MDGA2: variants seen among roughly 807,000 people sequenced by gnomAD.
The protein encoded by MDGA2 is MAM domain-containing glycosylphosphatidylinositol anchor protein 2.
MDGA2 carries 40 observed loss-of-function variants against 117.8 expected under a neutral mutation model. That is an observed-to-expected ratio of 0.34 (90% CI 0.26 to 0.44). The LOEUF (loss-of-function observed/expected upper bound fraction) is 0.44, where lower values mean the gene tolerates loss of function less well. Among genes scored for constraint, MDGA2 ranks in the 20% least tolerant of loss-of-function variants. MDGA2 has a pLI of 1.00. For synonymous variants in MDGA2, 452 were observed against 439.0 expected (o/e 1.03, Z -0.37); for missense variants, 1,123 against 1,250.6 (o/e 0.90, Z 1.54).
chr14:47,409,847 G>C (rs1892334780), intron 1 of MDGA2, among the ~76,000 whole-genome samples: 1 of 152,018 alleles, frequency 6.6e-6, no homozygotes, highest in African/African-American at 2.4e-5. Context: ...TTGTGGGTTG[G>C]AGCATTCTAA....
At chr14:47,258,821 T>C (rs1213011118) in intron 2 of MDGA2, among the ~76,000 whole-genome samples, 1 of 152,018 alleles carries the variant, frequency 6.6e-6, no homozygotes, top group African/African-American at 2.4e-5. Flanking sequence ...TATTTTTTTT[T>C]CATTTTTCTA....
chr14:47,369,167 C>G (rs1566757492), intron 1 of MDGA2, among the ~76,000 whole-genome samples: 1 of 151,956 alleles, frequency 6.6e-6, no homozygotes, highest in Non-Finnish European at 1.5e-5. Flanking sequence ...TACAGCTTTT[C>G]CCCCTTAGTG....
chr14:47,172,939 C>G (rs182854418), intron 3 of MDGA2, among the ~76,000 whole-genome samples: 3 of 152,092 alleles, frequency 2.0e-5, no homozygotes, highest in Admixed American at 6.5e-5. Flanking sequence ...ATAACCAATA[C>G]AGAGAAGTGC....
intron 1 of MDGA2, among the ~76,000 whole-genome samples, chr14:47,656,546 A>T (rs1486200789): frequency 1.3e-5 from 2 of 152,310 alleles, no homozygotes; most frequent in African/African-American, 4.8e-5. Context: ...AAATAAACAT[A>T]GTCTTATTGG....
intron 2 of MDGA2, among the ~76,000 whole-genome samples, chr14:47,260,563 ACAT>A (rs1253816856): frequency 6.6e-6 from 1 of 152,124 alleles, no homozygotes; most frequent in African/African-American, 2.4e-5. Flanking sequence ...AGGTTTAGAA[ACAT>A]CATAGAAAAA....
chr14:47,456,346 G>C (rs1327456913), intron 1 of MDGA2, among the ~76,000 whole-genome samples: 3 of 149,714 alleles, frequency 2.0e-5, no homozygotes, highest in African/African-American at 7.4e-5. Context: ...ATGCAGGAGT[G>C]CAATGGTGCC....
chr14:47,218,078 T>C lies in MDGA2; in HGVS notation c.538A>G (p.Lys180Glu), dbSNP rs1374922759. 1.9e-6 allele frequency: 3 copies of C among 1,551,426 alleles called. No individual in the cohort carries two copies. The highest frequency in any genetic ancestry group is 2.6e-6 in the Non-Finnish European group (3 of 1,146,744). Residue 180 changes from lysine (K) to glutamate (E), a missense_variant, in exon 3 of 17, where the codon AAA (lysine) becomes GAA (glutamate). Around this residue, in one of 2 missense-constraint regions of MDGA2, gnomAD observed 890 missense variants for 1,050.3 expected, o/e 0.85. Transcript: ENST00000399232. The part of the protein sequence containing the change: ...QRHQGGRYYC[K>E]AENGLGSPAI... Reference sequence around the variant, plus strand: ...GGAGACCCCAAGCCATTCTCTGCTTTACAGTAATACCGGCCTCCTTGGTGT... The same window carrying C: ...GGAGACCCCAAGCCATTCTCTGCTTCACAGTAATACCGGCCTCCTTGGTGT...
chr14:47,651,195 C>G (rs1317524698), intron 1 of MDGA2, among the ~76,000 whole-genome samples: 1 of 141,788 alleles, frequency 7.1e-6, no homozygotes, highest in Non-Finnish European at 1.5e-5. Context: ...AAGGGAGATT[C>G]TGTGTGTGTG....
chr14:47,173,389 C>A (rs1225119462), intron 3 of MDGA2, among the ~76,000 whole-genome samples: 1 of 152,126 alleles, frequency 6.6e-6, no homozygotes, highest in African/African-American at 2.4e-5. Context: ...ATATTAAGGG[C>A]AGCCAGAGAG....
At chr14:47,249,087 G>A (rs755392136) in intron 2 of MDGA2, among the ~76,000 whole-genome samples, 1 of 150,404 alleles carries the variant, frequency 6.6e-6, no homozygotes, top group Admixed American at 6.6e-5. Context: ...GTGCGATCTC[G>A]GCTCACTGCA....
At chr14:47,242,554 C>A (rs994936706) in intron 2 of MDGA2, among the ~76,000 whole-genome samples, 4 of 151,978 alleles carry the variant, frequency 2.6e-5, no homozygotes, top group South Asian at 4.2e-4. Context: ...GCCAGTCCTG[C>A]TGGCCCCGGG....
chr14:47,579,235 T>C (rs1345018121), intron 1 of MDGA2, among the ~76,000 whole-genome samples: 1 of 152,088 alleles, frequency 6.6e-6, no homozygotes, highest in Non-Finnish European at 1.5e-5. Flanking sequence ...CATGATAATG[T>C]CCTTCCAGTT....
intron 3 of MDGA2, among the ~76,000 whole-genome samples, chr14:47,163,239 T>C (rs1883715792): frequency 6.6e-6 from 1 of 152,136 alleles, no homozygotes; most frequent in Non-Finnish European, 1.5e-5. Flanking sequence ...CCTGCCTTCT[T>C]TGTTGCTATA....
At chr14:46,995,379 T>C (rs1161809813) in intron 8 of MDGA2, among the ~76,000 whole-genome samples, 1 of 152,126 alleles carries the variant, frequency 6.6e-6, no homozygotes, top group Admixed American at 6.6e-5. Flanking sequence ...GTTTAAGAAC[T>C]ACTGATAATA....
intron 1 of MDGA2, among the ~76,000 whole-genome samples, chr14:47,448,270 C>T (rs1013480627): frequency 5.9e-5 from 9 of 152,044 alleles, no homozygotes; most frequent in Non-Finnish European, 1.0e-4. Context: ...CATGCCTCAA[C>T]TGGGATTACA....
intron 8 of MDGA2, among the ~76,000 whole-genome samples, chr14:47,028,347 T>G (rs1386274520): frequency 6.6e-6 from 1 of 152,158 alleles, no homozygotes; most frequent in Non-Finnish European, 1.5e-5. Flanking sequence ...TCAAGTCATT[T>G]TGGCATAAGA....
At chr14:47,399,229 T>A (rs1250551805) in intron 1 of MDGA2, among the ~76,000 whole-genome samples, 2 of 151,982 alleles carry the variant, frequency 1.3e-5, no homozygotes, top group Non-Finnish European at 2.9e-5. Context: ...CTTAAAGAAG[T>A]ATACCACAAC....
intron 3 of MDGA2, chr14:47,201,210 C>T: frequency 1.8e-6 from 1 of 549,414 alleles, no homozygotes; most frequent in South Asian, 1.8e-5. Context: ...TGGTTTATAA[C>T]CCCTCTCTCT....
At chr14:47,648,603 A>T (rs988239497) in intron 1 of MDGA2, among the ~76,000 whole-genome samples, 5 of 151,428 alleles carry the variant, frequency 3.3e-5, no homozygotes, top group African/African-American at 1.2e-4. Context: ...GTTCAGCTGC[A>T]AAGAATATCT....
Sources: allele counts gnomAD v4.1 joint callset (sites outside exome capture counted in the v4.1 genomes callset), GRCh38; gene constraint gnomAD v4.1.1; regional missense constraint gnomAD v4.1.1; transcripts MANE v1.5; gene names NCBI Gene and HGNC (gene_info 2026-07-23, HGNC 2026-07-21).